The following SEMA4D variants were observed in gnomAD, a reference collection of about 807,000 sequenced individuals.
SEMA4D encodes the protein semaphorin-4D.
SEMA4D carries 22 observed loss-of-function variants against 74.8 expected under a neutral mutation model. That is an observed-to-expected ratio of 0.29 (90% CI 0.21 to 0.42). The LOEUF is 0.42. Among genes scored for constraint, SEMA4D ranks in the 10% least tolerant of loss-of-function variants. The pLI, the probability that SEMA4D is intolerant of heterozygous loss-of-function variation, is 1.00. For synonymous variants in SEMA4D, 445 were observed against 463.7 expected, an observed-to-expected ratio of 0.96 and a Z score of 0.52; for missense variants, 937 against 1,118.4, an observed-to-expected ratio of 0.84 and a Z score of 2.31.
At position 89,405,638 on chromosome 9, in the gene SEMA4D, T is replaced by C; in HGVS notation, c.-182A>G. On this transcript the variant is annotated 5_prime_UTR_variant, in exon 3 of 16. Coordinates refer to ENST00000422704, the MANE Select transcript of SEMA4D (RefSeq NM_001371194.2). ...TCCCAGTTCTCCAGGTGAGGAGGGGTCGCTCTCACCACCGCAATGTCAAAG... is the reference window on the plus strand; with the variant it reads ...TCCCAGTTCTCCAGGTGAGGAGGGGCCGCTCTCACCACCGCAATGTCAAAG... The C allele has an allele frequency of 1.2e-5, 17 of 1,431,754 alleles. No homozygotes were observed. Among genetic ancestry groups the C allele is most frequent in the Non-Finnish European group, 1.5e-5 (17 of 1,096,956 alleles). The allele number at this position is 1,431,754 out of a possible 1,614,324, so 88.7% of individuals were successfully genotyped here.
chr9:89,460,448 C>G (rs142209814), intron 1 of SEMA4D, among the ~76,000 whole-genome samples: 3 of 152,222 alleles, frequency 2.0e-5, no homozygotes, highest in Admixed American at 2.0e-4. Context: ...AAAGCCTCTT[C>G]TTACTAAGTC....
intron 1 of SEMA4D, among the ~76,000 whole-genome samples, chr9:89,491,700 A>C (rs1250085008): frequency 6.6e-6 from 1 of 152,182 alleles, no homozygotes; most frequent in African/African-American, 2.4e-5. Context: ...TCAGAGAAGC[A>C]CACTCCCATT....
chr9:89,396,971 C>A (rs779055647), intron 5 of SEMA4D, 136 bp from the exon 6 acceptor site: 4 of 732,602 alleles, frequency 5.5e-6, no homozygotes, highest in Middle Eastern at 3.4e-4. Context: ...CCCAGGCCAA[C>A]GAGGCATGTG....
chr9:89,464,562 A>G (rs1235375896), intron 1 of SEMA4D, among the ~76,000 whole-genome samples: 1 of 152,200 alleles, frequency 6.6e-6, no homozygotes, highest in African/African-American at 2.4e-5. Context: ...GGGCAGCAAC[A>G]GGTCCTCTCC....
chr9:89,386,289 C>A, intron 13 of SEMA4D, 78 bp downstream of exon 13: 1 of 1,219,204 alleles, frequency 8.2e-7, no homozygotes, highest in Non-Finnish European at 1.2e-6. Flanking sequence ...CCGACTCCAG[C>A]TTGCCAACTC....
intron 7 of SEMA4D, among the ~76,000 whole-genome samples, chr9:89,393,200 C>T (rs1564602076): frequency 6.6e-6 from 1 of 152,184 alleles, no homozygotes; most frequent in Non-Finnish European, 1.5e-5. Context: ...GCAGATGCAA[C>T]AGTGGGTACA....
intron 13 of SEMA4D, chr9:89,385,866 G>GGGGGGGGGGCCCCCCCCC: frequency 1.0e-5 from 2 of 196,224 alleles, no homozygotes; most frequent in Non-Finnish European, 1.8e-5. Flanking sequence ...CAGCGTGGAT[G>GGGGGGGGGGCCCCCCCCC]CCCGCCCACC....
chr9:89,380,121 C>G (rs570807550), intron 15 of SEMA4D, among the ~76,000 whole-genome samples: 1 of 152,140 alleles, frequency 6.6e-6, no homozygotes, highest in South Asian at 2.1e-4. Context: ...CAGCTTCAAC[C>G]CCCCCAGCTC....
chr9:89,409,379 C>T (rs1844023551), intron 2 of SEMA4D, among the ~76,000 whole-genome samples: 1 of 152,160 alleles, frequency 6.6e-6, no homozygotes, highest in Non-Finnish European at 1.5e-5. Flanking sequence ...ACAACACCAA[C>T]TGGCAATCCT....
At chr9:89,471,755 T>C (rs9802781) in intron 1 of SEMA4D, among the ~76,000 whole-genome samples, 22,608 of 126,872 alleles carry the variant, frequency 0.18, 2,313 homozygotes, top group East Asian at 0.31. Flanking sequence ...CTCAGGTGCA[T>C]GCCAACTCAG....
At chr9:89,421,472 C>G (rs1846935350) in intron 2 of SEMA4D, among the ~76,000 whole-genome samples, 1 of 152,214 alleles carries the variant, frequency 6.6e-6, no homozygotes, top group Admixed American at 6.5e-5. Flanking sequence ...AATCTCTGAT[C>G]CAACAGTCCT....
chr9:89,449,698 G>A, intron 2 of SEMA4D: 1 of 1,520,396 alleles, frequency 6.6e-7, no homozygotes, highest in South Asian at 1.1e-5. Flanking sequence ...TCAGTACTGA[G>A]CCTGTGTGAG....
chr9:89,473,548 A>G (rs2136016093), intron 1 of SEMA4D, among the ~76,000 whole-genome samples: 1 of 152,240 alleles, frequency 6.6e-6, no homozygotes, highest in East Asian at 1.9e-4. Flanking sequence ...CCTGGGTGAC[A>G]GAATGAGACC....
intron 13 of SEMA4D, among the ~76,000 whole-genome samples, chr9:89,384,184 C>T (rs1222946457): frequency 6.6e-6 from 1 of 152,212 alleles, no homozygotes; most frequent in Non-Finnish European, 1.5e-5. Context: ...GAGGTATCTG[C>T]ACACCCACGT....
intron 13 of SEMA4D, chr9:89,386,002 G>A (rs1838386014): frequency 1.0e-6 from 1 of 985,234 alleles, no homozygotes; most frequent in South Asian, 4.7e-5. Flanking sequence ...CGAGTCAGCT[G>A]TATCACTATC....
chr9:89,402,680 T>C (rs1296749696), intron 4 of SEMA4D, among the ~76,000 whole-genome samples, 191 bp downstream of exon 4: 3 of 66,860 alleles, frequency 4.5e-5, no homozygotes, highest in African/African-American at 1.1e-4. Context: ...TAATAAAAAG[T>C]TCAAAAAAAA....
At chr9:89,479,235 A>C (rs1199288176) in intron 1 of SEMA4D, among the ~76,000 whole-genome samples, 1 of 152,160 alleles carries the variant, frequency 6.6e-6, no homozygotes, top group Admixed American at 6.5e-5. Flanking sequence ...CACCCACCAC[A>C]TTCCACCAAT....
rs535421611 is a variant in SEMA4D, at chr9:89,492,956, C to T, written c.-310+4963G>A. 1.2e-4 allele frequency among the ~76,000 whole-genome samples: 19 copies of T among 152,308 alleles called. No individual in the cohort carries two copies. The highest frequency in any genetic ancestry group is 5.8e-4 in the East Asian group (3 of 5,184). On this transcript the variant is annotated intron_variant, in intron 1 of 15. Coordinates refer to ENST00000422704, the MANE Select transcript of SEMA4D (RefSeq NM_001371194.2). This position sits in a 1 kb window ranked among gnomAD's most constrained non-coding sequence, Gnocchi z 4.3. ...CTCAACAAACCACTGGCCCCTTAAG[C>T]GGCTGGACCTAGAACTATCTATCTC...
chr9:89,368,549 G>C (rs963407204), intron 16 of SEMA4D: 1 of 152,390 alleles, frequency 6.6e-6, no homozygotes, highest in East Asian at 1.9e-4. Context: ...GGCCTTGTTG[G>C]TCATCCTTTC....
Sources: allele counts gnomAD v4.1 joint callset (sites outside exome capture counted in the v4.1 genomes callset), GRCh38; gene constraint gnomAD v4.1.1; non-coding constraint Gnocchi (gnomAD v3.1); transcripts MANE v1.5; gene names NCBI Gene and HGNC (gene_info 2026-07-23, HGNC 2026-07-21).